ELF2: variants seen among roughly 807,000 people sequenced by gnomAD.
ELF2 encodes E74 like ETS transcription factor 2.
A neutral mutation model predicts 54.8 loss-of-function variants in ELF2; 11 were observed. The ratio of observed to expected loss-of-function variants is 0.20; its 90% CI spans 0.13 to 0.33. The LOEUF is 0.33. Among genes scored for constraint, ELF2 ranks in the 10% least tolerant of loss-of-function variants. ELF2 has a pLI of 1.00. For synonymous variants in ELF2, 203 were observed against 245.1 expected, an observed-to-expected ratio of 0.83 and a Z score of 1.61; for missense variants, 513 against 703.0, an observed-to-expected ratio of 0.73 and a Z score of 3.06.
At chr4:139,073,963 C>T (rs1330680305) in intron 4 of ELF2, among the ~76,000 whole-genome samples, 2 of 151,920 alleles carry the variant, frequency 1.3e-5, no homozygotes, top group African/African-American at 2.4e-5. Context: ...CCCGTCTCTA[C>T]CAAAAAATAG....
chr4:139,148,592 C>G (rs1429685722), intron 1 of ELF2, among the ~76,000 whole-genome samples: 1 of 151,546 alleles, frequency 6.6e-6, no homozygotes, highest in East Asian at 1.9e-4. Context: ...TGAGTAATAT[C>G]CTATTGTATA....
At chr4:139,072,510 G>A (rs1012264285) in intron 5 of ELF2, among the ~76,000 whole-genome samples, 16 of 152,158 alleles carry the variant, frequency 1.1e-4, no homozygotes, top group African/African-American at 2.9e-4. Context: ...AGCACCTATA[G>A]TTCATTTTAG....
intron 3 of ELF2, among the ~76,000 whole-genome samples, chr4:139,129,002 AATCTTGACACACCGCAACCTCTGC>A (rs1737226472): frequency 1.3e-5 from 2 of 151,846 alleles, no homozygotes; most frequent in South Asian, 4.2e-4. Context: ...GCAATGGCGC[AATCTTGACACACCGCAACCTCTGC>A]CTCCCAGGTT....
Position 139,067,713 on chromosome 4 carries a change from C to G in ELF2, c.584G>C (p.Gly195Ala), listed in dbSNP as rs774950895. The change falls in exon 7 of 10, where the codon GGT (glycine) becomes GCT (alanine). Residue 195 changes from glycine (G) to alanine (A), a missense_variant. Physicochemically the swap from Gly to Ala is moderately conservative, Grantham distance 60. Around this residue, in one of 3 missense-constraint regions of ELF2, gnomAD observed 203 missense variants for 245.9 expected, o/e 0.83. Transcript: ENST00000686138. ...TCCTTCTCTTGGTTTCTTCTTTATACCTAACTCAGGAGACCCATTGGAAAT... is the reference window on the plus strand; with the variant it reads ...TCCTTCTCTTGGTTTCTTCTTTATAGCTAACTCAGGAGACCCATTGGAAAT... ...SPISNGSPELGIKKKPREGKG... is the reference protein window; with the variant it reads ...SPISNGSPELAIKKKPREGKG... 1.9e-6 allele frequency: 3 copies of G among 1,611,110 alleles called. No individual in the cohort carries two copies. The highest frequency in any genetic ancestry group is 2.2e-5 in the South Asian group (2 of 90,730).
At chr4:139,141,631 A>C (rs901725) in intron 1 of ELF2, among the ~76,000 whole-genome samples, 4,081 of 152,290 alleles carry the variant, frequency 0.027, 96 homozygotes, top group African/African-American at 0.064. Flanking sequence ...TTGGCCCCCC[A>C]CAAAGTCTTC....
Position 139,059,234 on chromosome 4 carries a change from A to T in ELF2, c.1531T>A (p.Ser511Thr), listed in dbSNP as rs1727457429. Reference protein sequence around the residue: ...IAHGTPVMRLSMPTQQASGQT... With the variant: ...IAHGTPVMRLTMPTQQASGQT... ...CCAGATGCCTGCTGAGTAGGCATTG[A>T]TAGTCTCATTACAGGTGTACCATGG... Residue 511 changes from serine to threonine, a missense_variant, in exon 10 of 10, where the codon TCA becomes ACA. By Grantham distance (58) the Ser-to-Thr change is moderately conservative. Transcript: ENST00000686138. 6.2e-7 allele frequency: 1 copy of T among 1,613,940 alleles called. No individual in the cohort carries two copies. The highest frequency in any genetic ancestry group is 8.5e-7 in the Non-Finnish European group (1 of 1,179,862).
chr4:139,083,872 C>G (rs1731548173), intron 4 of ELF2, among the ~76,000 whole-genome samples: 1 of 152,222 alleles, frequency 6.6e-6, no homozygotes, highest in Non-Finnish European at 1.5e-5. Context: ...GCGCTCAGCC[C>G]GGCAGCTGCT....
chr4:139,071,436 G>A lies in ELF2; in HGVS notation c.526+430C>T, dbSNP rs74951015. On this transcript the variant is annotated intron_variant, in intron 6 of 9. Transcript: ENST00000686138. The stretch of plus-strand genomic sequence containing the variant: ...CTCCTGAGCAGCTGGGACTAAAGGC[G>A]TGCCTGGCTTTTTAAAAAATATCCA... 4.5e-3 allele frequency among the ~76,000 whole-genome samples: 677 copies of A among 152,100 alleles called. 9 individuals carry two copies. Among genetic ancestry groups the A allele is most frequent in the African/African-American group, 0.015 (640 of 41,494 alleles).
At chr4:139,079,820 G>A (rs1352355016) in intron 4 of ELF2, among the ~76,000 whole-genome samples, 1 of 152,210 alleles carries the variant, frequency 6.6e-6, no homozygotes, top group African/African-American at 2.4e-5. Context: ...GCTGAAGTGG[G>A]AGAATCACTT....
intron 5 of ELF2, among the ~76,000 whole-genome samples, 163 bp downstream of exon 5, chr4:139,073,291 G>C (rs1212872488): frequency 6.6e-6 from 1 of 152,088 alleles, no homozygotes; most frequent in Non-Finnish European, 1.5e-5. Flanking sequence ...TTAAGACTTG[G>C]AGGCCTTGAC....
chr4:139,105,886 T>C (rs1237313280), intron 4 of ELF2, among the ~76,000 whole-genome samples: 3 of 152,176 alleles, frequency 2.0e-5, no homozygotes, highest in Admixed American at 6.5e-5. Context: ...AGTAAAACCC[T>C]GCCTCAAAAT....
chr4:139,101,814 T>C (rs769998965), intron 4 of ELF2: 12 of 152,220 alleles, frequency 7.9e-5, no homozygotes, highest in Non-Finnish European at 1.6e-4. Flanking sequence ...CAGTGCTTCT[T>C]GTCTCAAGTA....
At chr4:139,105,597 G>T (rs1309943664) in intron 4 of ELF2, among the ~76,000 whole-genome samples, 1 of 152,158 alleles carries the variant, frequency 6.6e-6, no homozygotes. Flanking sequence ...GTCAAAAAAT[G>T]ATCCTGGCCA....
chr4:139,105,308 T>C (rs1039734938), intron 4 of ELF2, among the ~76,000 whole-genome samples: 2 of 152,002 alleles, frequency 1.3e-5, no homozygotes, highest in South Asian at 2.1e-4. Context: ...CTAAGTACCA[T>C]AAATGTAGAG....
chr4:139,108,603 TA>T (rs879642749), intron 4 of ELF2, among the ~76,000 whole-genome samples: 434 of 140,038 alleles, frequency 3.1e-3, no homozygotes, highest in Middle Eastern at 7.2e-3. Context: ...ATTCATATTC[TA>T]AAAAAAAAAA....
At chr4:139,137,444 G>T (rs952192165) in intron 3 of ELF2, 186 bp downstream of exon 3, 4 of 610,130 alleles carry the variant, frequency 6.6e-6, no homozygotes, top group Non-Finnish European at 1.1e-5. Flanking sequence ...AACAATTCAC[G>T]TAAGCCCTGC....
chr4:139,133,411 A>G (rs1380571037), intron 3 of ELF2, among the ~76,000 whole-genome samples: 1 of 152,162 alleles, frequency 6.6e-6, no homozygotes, highest in African/African-American at 2.4e-5. Flanking sequence ...CCATTGATCT[A>G]CATGTCTGTT....
At chr4:139,122,546 G>A (rs1334024115) in intron 4 of ELF2, among the ~76,000 whole-genome samples, 1 of 149,354 alleles carries the variant, frequency 6.7e-6, no homozygotes, top group African/African-American at 2.4e-5. Flanking sequence ...ATGTCCCCCA[G>A]CCTGGAGTGC....
rs1733012717 is a variant in ELF2 at position 139,094,346 on chromosome 4, G to A, written c.239-20779C>T. Among the ~76,000 whole-genome samples the A allele has an allele frequency of 2.0e-5, 3 of 152,290 alleles. No homozygotes were observed. The South Asian group carries it at 6.2e-4, about 32-fold the overall frequency. On this transcript the variant is annotated intron_variant, in intron 4 of 9. Coordinates refer to ENST00000686138, the MANE Select transcript of ELF2 (RefSeq NM_001331036.3). ...ATACAGGACCAAAGCCATCACAGCA[G>A]AGCCACATAACCAGCCCGTAAGTCT...
Sources: gnomAD v4.1 joint callset for allele counts (sites outside exome capture counted in the v4.1 genomes callset) on GRCh38, gnomAD v4.1.1 for gene constraint, gnomAD v4.1.1 regional missense constraint, MANE v1.5 for transcripts, NCBI Gene and HGNC (gene_info 2026-07-23, HGNC 2026-07-21) for gene names.